EXOC6B: variants seen among roughly 807,000 people sequenced by gnomAD.
EXOC6B encodes exocyst complex component 6B.
EXOC6B carries 54 observed loss-of-function variants against 113.5 expected under a neutral mutation model. The ratio of observed to expected loss-of-function variants is 0.48; its 90% CI spans 0.38 to 0.60. EXOC6B has a LOEUF of 0.60. Ranked by LOEUF, EXOC6B falls within the 20% of genes least tolerant of loss-of-function variation. The probability of loss-of-function intolerance (pLI) is 0.00; values close to 1 mark genes in which losing one functional copy is unlikely to be tolerated. For synonymous variants in EXOC6B, 357 were observed against 339.0 expected, an observed-to-expected ratio of 1.05 and a Z score of -0.58; for missense variants, 797 against 977.5, an observed-to-expected ratio of 0.82 and a Z score of 2.46.
At chr2:72,552,575 A>C (rs1337227395) in intron 8 of EXOC6B, among the ~76,000 whole-genome samples, 1 of 152,082 alleles carries the variant, frequency 6.6e-6, no homozygotes, top group East Asian at 1.9e-4. Context: ...CAAAAATGAA[A>C]ATTTCAGGGC....
At chr2:72,596,596 A>G (rs1251574457) in intron 6 of EXOC6B, among the ~76,000 whole-genome samples, 1 of 152,106 alleles carries the variant, frequency 6.6e-6, no homozygotes, top group Non-Finnish European at 1.5e-5. Context: ...AGAAAAAAGA[A>G]GAAAAAGAAA....
At chr2:72,396,243 G>A (rs942975745) in intron 18 of EXOC6B, among the ~76,000 whole-genome samples, 5 of 152,016 alleles carry the variant, frequency 3.3e-5, no homozygotes, top group Admixed American at 6.6e-5. Flanking sequence ...GGCCCAAAAA[G>A]GAGCTGTAAA....
chr2:72,336,129 T>C (rs1688678314), intron 19 of EXOC6B, among the ~76,000 whole-genome samples: 1 of 152,104 alleles, frequency 6.6e-6, no homozygotes, highest in South Asian at 2.1e-4. Flanking sequence ...CAAAAACAAC[T>C]CAAGTGCCTG....
At chr2:72,621,157 C>T (rs770097932) in intron 6 of EXOC6B, among the ~76,000 whole-genome samples, 20 of 152,078 alleles carry the variant, frequency 1.3e-4, no homozygotes, top group Non-Finnish European at 2.1e-4. Context: ...TGGGTATATG[C>T]CCAAAGAAAA....
intron 18 of EXOC6B, 119 bp downstream of exon 18, chr2:72,465,041 G>A (rs765057443): frequency 3.3e-5 from 25 of 762,300 alleles, no homozygotes; most frequent in Admixed American, 7.4e-5. Flanking sequence ...TATAGCATGC[G>A]CCTTTATATA....
chr2:72,730,894 A>AAGC, intron 5 of EXOC6B, 113 bp downstream of exon 5: 1 of 516,808 alleles, frequency 1.9e-6, no homozygotes, highest in South Asian at 2.7e-5. Context: ...ACAAAAGGTT[A>AAGC]AGATGTTAGA....
intron 8 of EXOC6B, among the ~76,000 whole-genome samples, chr2:72,525,449 C>G (rs1701706557): frequency 6.6e-6 from 1 of 152,090 alleles, no homozygotes; most frequent in Non-Finnish European, 1.5e-5. Flanking sequence ...TCATACTTAG[C>G]AAACCAAACT....
rs189521403 is a variant in EXOC6B, at chr2:72,658,271, A to G, written c.669+59832T>C. 3.1e-3 allele frequency among the ~76,000 whole-genome samples: 404 copies of G among 128,484 alleles called. 6 individuals are homozygous for G. The highest frequency in any genetic ancestry group is 0.011 in the African/African-American group (393 of 34,340). The allele number at this position is 128,484 out of a possible 152,430, so 84.3% of individuals were successfully genotyped here. ...CATACTATATAAAAACTAGGGGAAA[A>G]AAACTAAAAACTAGTAAAAAAAAAA... On this transcript the variant is annotated intron_variant, in intron 6 of 21. Transcript: ENST00000272427.
chr2:72,506,454 T>C (rs1217974445), intron 11 of EXOC6B, among the ~76,000 whole-genome samples: 1 of 152,168 alleles, frequency 6.6e-6, no homozygotes, highest in Non-Finnish European at 1.5e-5. Flanking sequence ...AAGTTTGAGT[T>C]ATGAACTCTG....
chr2:72,345,779 G>A (rs7595315), intron 19 of EXOC6B, among the ~76,000 whole-genome samples: 55,678 of 152,026 alleles, frequency 0.37, 16,752 homozygotes, highest in African/African-American at 0.83. Context: ...ATTTGTCCAA[G>A]CCCATAGAAT....
chr2:72,525,151 A>C (rs1287290668), intron 8 of EXOC6B, among the ~76,000 whole-genome samples: 1 of 152,250 alleles, frequency 6.6e-6, no homozygotes, highest in African/African-American at 2.4e-5. Flanking sequence ...ATGTTTGATG[A>C]TTATGGAGTA....
At chr2:72,754,616 C>CTT (rs780607610) in intron 1 of EXOC6B, among the ~76,000 whole-genome samples, 3 of 135,270 alleles carry the variant, frequency 2.2e-5, no homozygotes, top group African/African-American at 5.4e-5. Flanking sequence ...TTTTTTTTTT[C>CTT]TTTTTTTTTT....
intron 6 of EXOC6B, among the ~76,000 whole-genome samples, chr2:72,659,159 A>G (rs1267391691): frequency 6.6e-6 from 1 of 152,272 alleles, no homozygotes; most frequent in South Asian, 2.1e-4. Context: ...TGAAAACAAT[A>G]CAGTCTTTTG....
At chr2:72,289,124 T>C (rs527718578) in intron 20 of EXOC6B, 44 of 259,166 alleles carry the variant, frequency 1.7e-4, no homozygotes, top group African/African-American at 9.9e-4. Context: ...AGAGATGTAA[T>C]ACATATTTAC....
chr2:72,738,546 G>A (rs1050407077), intron 2 of EXOC6B, among the ~76,000 whole-genome samples: 9 of 152,122 alleles, frequency 5.9e-5, no homozygotes, highest in South Asian at 2.1e-4. Context: ...ATTCAAAATC[G>A]TCAGTTGAAA....
chr2:72,687,472 CT>C (rs757063558), intron 6 of EXOC6B, among the ~76,000 whole-genome samples: 60 of 148,662 alleles, frequency 4.0e-4, no homozygotes, highest in African/African-American at 1.2e-3. Flanking sequence ...AATTAAATAG[CT>C]TTTTTTTTTC....
intron 1 of EXOC6B, among the ~76,000 whole-genome samples, chr2:72,817,276 T>C (rs1359846054): frequency 6.6e-6 from 1 of 152,228 alleles, no homozygotes; most frequent in Non-Finnish European, 1.5e-5. Flanking sequence ...AAAATTATTT[T>C]AGATTACACT....
At position 72,510,906 on chromosome 2, in the gene EXOC6B, A is replaced by T. The variant is rs140784156; in HGVS notation, c.1167+2226T>A. 3.9e-3 allele frequency among the ~76,000 whole-genome samples: 586 copies of T among 152,202 alleles called. 11 individuals are homozygous for T. Among genetic ancestry groups the T allele is most frequent in the African/African-American group, 0.014 (573 of 41,568 alleles). On this transcript the variant is annotated intron_variant, in intron 11 of 21. Transcript: ENST00000272427. ...GAGTAAACAACAGGTGGTTGTAAAC[A>T]TATAAATGTGTAAAAATCTAATTAT...
chr2:72,637,804 A>AG (rs1672958072), intron 6 of EXOC6B, among the ~76,000 whole-genome samples: 2 of 151,794 alleles, frequency 1.3e-5, no homozygotes, highest in South Asian at 4.2e-4. Context: ...AAAAAAAAAA[A>AG]CTGAAACCAA....
Sources: gnomAD v4.1 joint callset for allele counts (sites outside exome capture counted in the v4.1 genomes callset) on GRCh38, gnomAD v4.1.1 for gene constraint, MANE v1.5 for transcripts, NCBI Gene and HGNC (gene_info 2026-07-23, HGNC 2026-07-21) for gene names.